SMURF2: variants seen among roughly 807,000 people sequenced by gnomAD.
The protein encoded by SMURF2 is SMAD specific E3 ubiquitin protein ligase 2.
Under a neutral mutation model 109.6 loss-of-function variants are expected in SMURF2, and 48 were observed. That is an observed-to-expected ratio of 0.44 (90% CI 0.35 to 0.56). SMURF2 has a LOEUF of 0.56. Ranked by LOEUF, SMURF2 falls within the 20% of genes least tolerant of loss-of-function variation. The probability of loss-of-function intolerance (pLI) is 0.01; values close to 1 mark genes in which losing one functional copy is unlikely to be tolerated. For missense variants in SMURF2, 575 were observed against 909.0 expected (o/e 0.63, Z 4.72); for synonymous variants, 288 against 317.1 (o/e 0.91, Z 0.97).
At chr17:64,595,432 C>A (rs565866469) in intron 3 of SMURF2, among the ~76,000 whole-genome samples, 1 of 152,196 alleles carries the variant, frequency 6.6e-6, no homozygotes, top group Admixed American at 6.5e-5. Flanking sequence ...CAGTAAATTC[C>A]TTTTGCAATT....
rs1212528692 is a variant in SMURF2 at position 64,561,393 on chromosome 17, G to C, written c.1316+107C>G. ...GATATCCTCAGTGATACAAACATTA[G>C]GGAATAACAAAAAATAAATGTCGAT... is the stretch of plus-strand genomic sequence containing the variant. On this transcript the variant is annotated intron_variant, in intron 12 of 18. Transcript: ENST00000262435. 3 of 715,162 alleles carry C rather than the reference G, an allele frequency of 4.2e-6. No individual in the cohort carries two copies. In the African/African-American group the frequency reaches 5.4e-5, roughly 13 times the overall value. The allele number at this position is 715,162 out of a possible 1,614,324, so 44.3% of individuals were successfully genotyped here. A position where few individuals can be genotyped will look rare whatever the true frequency, so the allele number is the denominator to read the frequency against.
intron 10 of SMURF2, among the ~76,000 whole-genome samples, chr17:64,563,363 A>G (rs1206591399): frequency 6.6e-6 from 1 of 152,206 alleles, no homozygotes; most frequent in Non-Finnish European, 1.5e-5. Flanking sequence ...GCAGCTTGGC[A>G]GGGATCCCTT....
chr17:64,648,706 A>C (rs1970593972), intron 1 of SMURF2, among the ~76,000 whole-genome samples: 1 of 152,190 alleles, frequency 6.6e-6, no homozygotes. Context: ...CAGGTGGTCA[A>C]GGCTATAGTG....
chr17:64,576,455 GGTGCTCAAGA>G (rs1969492405), intron 9 of SMURF2, among the ~76,000 whole-genome samples: 2 of 151,850 alleles, frequency 1.3e-5, no homozygotes, highest in African/African-American at 4.9e-5. Context: ...CCTGAGGTCA[GGTGCTCAAGA>G]CAAGCCTGGA....
At chr17:64,584,398 C>T (rs1416956370) in intron 6 of SMURF2, among the ~76,000 whole-genome samples, 1 of 127,318 alleles carries the variant, frequency 7.9e-6, no homozygotes, top group African/African-American at 3.2e-5. Context: ...CTTGCTCCTT[C>T]GCCAGGCTGG....
At chr17:64,556,286 A>G (rs1454890159) in intron 13 of SMURF2, among the ~76,000 whole-genome samples, 1 of 152,058 alleles carries the variant, frequency 6.6e-6, no homozygotes, top group Admixed American at 6.6e-5. Flanking sequence ...TCATTCAACT[A>G]CTTGCAGATC....
chr17:64,586,730 G>A (rs144638224), intron 5 of SMURF2, among the ~76,000 whole-genome samples: 3,673 of 114,272 alleles, frequency 0.032, 174 homozygotes, highest in African/African-American at 0.12. Context: ...CAGCCTGGGC[G>A]ATACAGCGAG....
At chr17:64,651,060 G>A (rs535892559) in intron 1 of SMURF2, among the ~76,000 whole-genome samples, 2 of 150,534 alleles carry the variant, frequency 1.3e-5, no homozygotes, top group African/African-American at 4.9e-5. Context: ...AAAAATACAT[G>A]GTGGCGGGTG....
At chr17:64,570,458 A>G (rs1173776902) in intron 10 of SMURF2, among the ~76,000 whole-genome samples, 4 of 152,238 alleles carry the variant, frequency 2.6e-5, no homozygotes, top group South Asian at 2.1e-4. Flanking sequence ...TACTTAGCTT[A>G]GTAATGAAGT....
chr17:64,543,888 A>G lies in SMURF2; in HGVS notation c.*1960T>C, dbSNP rs956895444. On this transcript the variant is annotated 3_prime_UTR_variant, in exon 19 of 19. Coordinates refer to ENST00000262435, the MANE Select transcript of SMURF2 (RefSeq NM_022739.4). ...AATAGCATAGAAACCACTTCCATAC[A>G]TTTCAAGATGCTCTTCAGTACTCAG... 2 of 152,172 alleles carry G rather than the reference A, an allele frequency of 1.3e-5. No homozygotes were observed. The highest frequency in any genetic ancestry group is 2.4e-5 in the African/African-American group (1 of 41,428). The allele number at this position is 152,172 out of a possible 1,614,324, so 9.4% of individuals were successfully genotyped here.
At chr17:64,620,257 A>C (rs781985030) in intron 1 of SMURF2, among the ~76,000 whole-genome samples, 2 of 152,216 alleles carry the variant, frequency 1.3e-5, no homozygotes, top group Non-Finnish European at 2.9e-5. Context: ...TGTGCCAAAA[A>C]ACTTCTACAT....
chr17:64,589,390 GA>G (rs1568185888), intron 5 of SMURF2, among the ~76,000 whole-genome samples: 4 of 147,952 alleles, frequency 2.7e-5, no homozygotes, highest in Non-Finnish European at 3.0e-5. Context: ...ATTTATTTTT[GA>G]GTTTTTTTTT....
intron 10 of SMURF2, among the ~76,000 whole-genome samples, chr17:64,571,595 T>G (rs1279779116): frequency 2.6e-5 from 4 of 152,116 alleles, no homozygotes; most frequent in Admixed American, 6.6e-5. Context: ...AACAACTTTT[T>G]TTTTGTAGAG....
chr17:64,621,952 CAATAAT>C lies in SMURF2; in HGVS notation c.53-15318_53-15313del, dbSNP rs782162183. ...AAAGCACTGTAGTGAGCCATCATCG[CAATAAT>C]AATAATAATAATAATAATAATAATA... On this transcript the variant is annotated intron_variant, in intron 1 of 18. Coordinates refer to ENST00000262435, the MANE Select transcript of SMURF2 (RefSeq NM_022739.4). 2.3e-3 allele frequency among the ~76,000 whole-genome samples: 297 copies of C among 130,480 alleles called. 2 individuals carry two copies. The highest frequency in any genetic ancestry group is 0.017 in the East Asian group (82 of 4,944). The allele number at this position is 130,480 out of a possible 152,430, so 85.6% of individuals were successfully genotyped here. A position where few individuals can be genotyped will look rare whatever the true frequency, so the allele number is the denominator to read the frequency against.
chr17:64,561,508 G>A lies in SMURF2; in HGVS notation c.1308C>T (p.Gly436=), dbSNP rs201460499. The A allele has an allele frequency of 1.1e-5, 18 of 1,611,236 alleles. No individual in the cohort carries two copies. Among genetic ancestry groups the A allele is most frequent in the East Asian group, 6.7e-5 (3 of 44,870 alleles). ...GGCAAGCAAGTCCATACCTGGCAAC[G>A]CCTCCATAGTCAAGGCCTTCTTCTC... ...FRGEEGLDYG[G]VAREWLYLLS... The change falls in exon 12 of 19, where the codon GGC becomes GGT. Residue 436 remains glycine, a synonymous_variant. Coordinates refer to ENST00000262435, the MANE Select transcript of SMURF2 (RefSeq NM_022739.4).
chr17:64,650,003 C>T (rs939170891), intron 1 of SMURF2, among the ~76,000 whole-genome samples: 10 of 151,910 alleles, frequency 6.6e-5, no homozygotes, highest in Admixed American at 5.9e-4. Flanking sequence ...CTTTAAAAGA[C>T]ATGTATCATT....
intron 6 of SMURF2, 71 bp downstream of exon 6, chr17:64,586,015 C>A (rs1451817030): frequency 2.1e-6 from 2 of 961,564 alleles, no homozygotes; most frequent in Non-Finnish European, 3.1e-6. Context: ...ACAATAAACA[C>A]CCACTTATTT....
At chr17:64,620,167 T>A (rs1421704549) in intron 1 of SMURF2, among the ~76,000 whole-genome samples, 1 of 152,206 alleles carries the variant, frequency 6.6e-6, no homozygotes. Flanking sequence ...GTTGCCAGAT[T>A]ATAGCCGGTT....
chr17:64,597,626 A>G (rs1187866378), intron 3 of SMURF2, among the ~76,000 whole-genome samples: 3 of 151,934 alleles, frequency 2.0e-5, no homozygotes, highest in Non-Finnish European at 4.4e-5. Flanking sequence ...TACAAAAATT[A>G]GCTGAATGTG....
Sources: gnomAD v4.1 joint callset for allele counts (sites outside exome capture counted in the v4.1 genomes callset) on GRCh38, gnomAD v4.1.1 for gene constraint, MANE v1.5 for transcripts, NCBI Gene and HGNC (gene_info 2026-07-23, HGNC 2026-07-21) for gene names.